GRB14: variants seen among roughly 807,000 people sequenced by gnomAD.
GRB14 encodes growth factor receptor bound protein 14.
In GRB14, 38 loss-of-function variants were observed where a neutral mutation model predicts 69.1. The ratio of observed to expected loss-of-function variants is 0.55; its 90% CI spans 0.42 to 0.72. GRB14 has a LOEUF of 0.72. GRB14 is among the 30% of genes least tolerant of loss of function. GRB14 has a pLI of 0.00. For synonymous variants in GRB14, 247 were observed against 241.3 expected, an observed-to-expected ratio of 1.02 and a Z score of -0.22; for missense variants, 666 against 666.1, an observed-to-expected ratio of 1.00 and a Z score of 0.00.
intron 2 of GRB14, among the ~76,000 whole-genome samples, chr2:164,577,995 G>C (rs541319073): frequency 6.6e-6 from 1 of 152,314 alleles, no homozygotes; most frequent in African/African-American, 2.4e-5. Flanking sequence ...AGCACTTTTG[G>C]AGGTGGAGGC....
chr2:164,564,188 G>A (rs1194410347), intron 2 of GRB14, among the ~76,000 whole-genome samples: 1 of 152,190 alleles, frequency 6.6e-6, no homozygotes, highest in Non-Finnish European at 1.5e-5. Flanking sequence ...TCTATAGGCT[G>A]CAGAGCACAA....
At chr2:164,500,008 T>C (rs1687005892) in intron 9 of GRB14, among the ~76,000 whole-genome samples, 1 of 152,104 alleles carries the variant, frequency 6.6e-6, no homozygotes. Flanking sequence ...GTAACAGATA[T>C]GTCTGTTGTA....
intron 2 of GRB14, among the ~76,000 whole-genome samples, chr2:164,552,570 G>T (rs779900521): frequency 1.3e-5 from 2 of 152,108 alleles, no homozygotes; most frequent in Non-Finnish European, 2.9e-5. Context: ...CAATATGGCA[G>T]TTCTGAGTTT....
In GRB14 at chr2:164,621,188, G is replaced by T; in HGVS notation, c.122C>A (p.Pro41Gln). Residue 41 changes from proline to glutamine, a missense_variant, in exon 1 of 14, where the codon CCG (proline) becomes CAG (glutamine). Pro to Gln is a moderately conservative substitution (Grantham distance 76). Coordinates refer to ENST00000263915, the MANE Select transcript of GRB14 (RefSeq NM_004490.3). This position sits in a 1 kb window ranked among gnomAD's most constrained non-coding sequence, Gnocchi z 6.0. ...QGRGDAHDLA[P>Q]APWLHARALL... ...CGCTCGCGCGTGCAGCCAGGGGGCC[G>T]GCGCCAGGTCGTGGGCGTCGCCCCT... 1 of 1,243,284 alleles carries T rather than the reference G, an allele frequency of 8.0e-7. No individual in the cohort carries two copies. Among genetic ancestry groups the T allele is most frequent in the Non-Finnish European group, 1.0e-6 (1 of 988,414 alleles). 77.0% of individuals were successfully genotyped at this position (1,243,284 alleles called of 1,614,324 possible).
chr2:164,511,425 C>A (rs1239442229), intron 6 of GRB14, among the ~76,000 whole-genome samples: 1 of 152,138 alleles, frequency 6.6e-6, no homozygotes, highest in African/African-American at 2.4e-5. Context: ...CCAGCTTAGC[C>A]ACAGTAGGAC....
chr2:164,532,951 C>T, intron 3 of GRB14, among the ~76,000 whole-genome samples: 1 of 152,054 alleles, frequency 6.6e-6, no homozygotes, highest in East Asian at 1.9e-4. Context: ...GGAGTGGAGA[C>T]TGTGAGGGAG....
intron 2 of GRB14, chr2:164,568,260 G>C: frequency 1.8e-6 from 2 of 1,104,320 alleles, no homozygotes; most frequent in South Asian, 2.6e-5. Flanking sequence ...ACAGTAACAG[G>C]GGAAAAAAAG....
intron 2 of GRB14, among the ~76,000 whole-genome samples, chr2:164,607,680 C>T (rs912720369): frequency 6.6e-5 from 10 of 152,162 alleles, no homozygotes; most frequent in Admixed American, 5.2e-4. Context: ...AGATTTGTCA[C>T]CCAGATTCAT....
Position 164,621,099 on chromosome 2 carries a change from C to G in GRB14, c.191+20G>C. 8.0e-7 allele frequency: 1 copy of G among 1,245,922 alleles called. No homozygotes were observed. Among genetic ancestry groups the G allele is most frequent in the Non-Finnish European group, 1.0e-6 (1 of 988,274 alleles). 77.2% of individuals were successfully genotyped at this position (1,245,922 alleles called of 1,614,324 possible). A position where few individuals can be genotyped will look rare whatever the true frequency, so the allele number is the denominator to read the frequency against. ...GCTGCCCAGCCAGGACACTCCCCCG[C>G]GCCCTCCAGGGTTGCCTACCTGTCT... On this transcript the variant is annotated intron_variant, in intron 1 of 13. Coordinates refer to ENST00000263915, the MANE Select transcript of GRB14 (RefSeq NM_004490.3). The surrounding 1 kb of genome is among the most constrained non-coding windows in gnomAD (Gnocchi z 6.0).
intron 11 of GRB14, 25 bp from the exon 12 acceptor site, chr2:164,497,120 C>T (rs1201497178): frequency 6.2e-7 from 1 of 1,608,182 alleles, no homozygotes; most frequent in East Asian, 2.2e-5. Context: ...TGGATGAATG[C>T]AAAGCTTTGT....
chr2:164,499,074 G>A (rs1436448392), intron 9 of GRB14, among the ~76,000 whole-genome samples: 1 of 152,080 alleles, frequency 6.6e-6, no homozygotes, highest in Non-Finnish European at 1.5e-5. Context: ...TTAATGAAAA[G>A]CATCCACCTG....
At chr2:164,503,877 T>C (rs1307269981) in intron 8 of GRB14, among the ~76,000 whole-genome samples, 1 of 152,140 alleles carries the variant, frequency 6.6e-6, no homozygotes, top group Non-Finnish European at 1.5e-5. Flanking sequence ...TGTTAGGTAG[T>C]TGCCTCTGTG....
intron 2 of GRB14, among the ~76,000 whole-genome samples, chr2:164,590,332 T>C (rs1689632566): frequency 6.6e-6 from 1 of 152,112 alleles, no homozygotes; most frequent in African/African-American, 2.4e-5. Context: ...CAGTCACCAA[T>C]GGGAATGCTT....
intron 7 of GRB14, 75 bp downstream of exon 7, chr2:164,508,667 C>G (rs1340627585): frequency 7.0e-7 from 1 of 1,438,532 alleles, no homozygotes; most frequent in Non-Finnish European, 9.6e-7. Flanking sequence ...TTTTCAAAAG[C>G]AATTAAAGGA....
chr2:164,596,038 C>T (rs1191148965), intron 2 of GRB14, among the ~76,000 whole-genome samples: 4 of 152,126 alleles, frequency 2.6e-5, no homozygotes, highest in Non-Finnish European at 5.9e-5. Context: ...GCAGGAGAAT[C>T]GCTTGAACCC....
chr2:164,585,163 G>T (rs1191368879), intron 2 of GRB14, among the ~76,000 whole-genome samples: 1 of 120,166 alleles, frequency 8.3e-6, no homozygotes, highest in Non-Finnish European at 1.6e-5. Context: ...GGCCAGGCTG[G>T]TCTCGAACTC....
At chr2:164,583,181 T>C (rs993875352) in intron 2 of GRB14, among the ~76,000 whole-genome samples, 3 of 152,226 alleles carry the variant, frequency 2.0e-5, no homozygotes, top group Non-Finnish European at 4.4e-5. Flanking sequence ...TAAATATCAC[T>C]GTTCTCCCTA....
At chr2:164,511,850 C>T (rs993016491) in intron 6 of GRB14, among the ~76,000 whole-genome samples, 2 of 152,130 alleles carry the variant, frequency 1.3e-5, no homozygotes, top group Admixed American at 6.5e-5. Context: ...CAGTTCTGGG[C>T]CTCAGCTCTT....
intron 2 of GRB14, among the ~76,000 whole-genome samples, chr2:164,553,961 G>T (rs576558312): frequency 1.3e-5 from 2 of 152,008 alleles, no homozygotes; most frequent in South Asian, 2.1e-4. Context: ...ACTCAATAAA[G>T]AATATATATA....
Sources: allele counts gnomAD v4.1 joint callset (sites outside exome capture counted in the v4.1 genomes callset), GRCh38; gene constraint gnomAD v4.1.1; non-coding constraint Gnocchi (gnomAD v3.1); transcripts MANE v1.5; gene names NCBI Gene and HGNC (gene_info 2026-07-23, HGNC 2026-07-21).